The following CACNA1C variants were observed in gnomAD, a reference collection of about 807,000 sequenced individuals.
CACNA1C encodes the protein calcium voltage-gated channel subunit alpha1 C.
CACNA1C carries 30 observed loss-of-function variants against 229.0 expected under a neutral mutation model. That is an observed-to-expected ratio of 0.13 (90% CI 0.10 to 0.18). The LOEUF is 0.18. CACNA1C is among the 10% of genes least tolerant of loss of function. CACNA1C has a pLI of 1.00. For synonymous variants in CACNA1C, 1,114 were observed against 1,132.5 expected, an observed-to-expected ratio of 0.98 and a Z score of 0.33; for missense variants, 1,658 against 2,845.0, an observed-to-expected ratio of 0.58 and a Z score of 9.49.
At chr12:2,357,004 C>A (rs2097386665) in intron 3 of CACNA1C, among the ~76,000 whole-genome samples, 1 of 152,246 alleles carries the variant, frequency 6.6e-6, no homozygotes, top group South Asian at 2.1e-4. Flanking sequence ...AGCCTCTGCC[C>A]ATCCTTCCAT....
At chr12:2,584,420 T>C (rs928387005) in intron 15 of CACNA1C, 83 bp from the exon 16 acceptor site, 2 of 914,380 alleles carry the variant, frequency 2.2e-6, no homozygotes, top group Non-Finnish European at 3.6e-6. Context: ...AGCTCTACCC[T>C]GCACGCCCCA....
At position 2,115,327 on chromosome 12, in the gene CACNA1C, G is replaced by T. The variant is rs563315606; in HGVS notation, c.153G>T (p.Ser51=). The change falls in exon 2 of 47, where the codon TCG becomes TCT. Residue 51 remains serine (S), a synonymous_variant. Coordinates refer to ENST00000399655, the MANE Select transcript of CACNA1C (RefSeq NM_000719.7). ...TCCCCACCCCGGGGGCTGCCCTGTC[G>T]TGGCAGGCGGCCATCGACGCAGCCC... ...EHIPTPGAAL[S]WQAAIDAARQ... The T allele has an allele frequency of 1.9e-6, 3 of 1,585,398 alleles. No homozygotes were observed. The highest frequency in any genetic ancestry group is 1.3e-5 in the African/African-American group (1 of 74,186).
intron 9 of CACNA1C, among the ~76,000 whole-genome samples, chr12:2,525,453 C>T (rs2099816985): frequency 6.6e-6 from 1 of 152,180 alleles, no homozygotes; most frequent in East Asian, 1.9e-4. Context: ...GGAGGTTGTG[C>T]AGTGCCATGC....
intron 3 of CACNA1C, among the ~76,000 whole-genome samples, chr12:2,444,827 A>G (rs1370397744): frequency 6.6e-6 from 1 of 151,822 alleles, no homozygotes; most frequent in Admixed American, 6.6e-5. Context: ...CCTACATCTC[A>G]CCAATCCCAC....
intron 2 of CACNA1C, among the ~76,000 whole-genome samples, chr12:2,116,440 C>T (rs1405226553): frequency 2.6e-5 from 4 of 150,948 alleles, no homozygotes; most frequent in South Asian, 2.1e-4. Context: ...GGTGCCGTCT[C>T]GGCTCACTGC....
chr12:1,977,965 A>G (rs982482396), intron 1 of CACNA1C, among the ~76,000 whole-genome samples: 1 of 152,164 alleles, frequency 6.6e-6, no homozygotes. Flanking sequence ...TTGTTTTTAT[A>G]TGTTTCATTC....
chr12:2,393,253 C>T (rs1430138920), intron 3 of CACNA1C, among the ~76,000 whole-genome samples: 2 of 152,144 alleles, frequency 1.3e-5, no homozygotes, highest in African/African-American at 4.8e-5. Flanking sequence ...AAAATGCAGG[C>T]TGGGCTGAGG....
At chr12:2,241,783 A>T (rs1402393145) in intron 3 of CACNA1C, among the ~76,000 whole-genome samples, 1 of 152,218 alleles carries the variant, frequency 6.6e-6, no homozygotes, top group African/African-American at 2.4e-5. Flanking sequence ...TCTGCCATAA[A>T]GTGGAGATTT....
At chr12:2,025,878 G>A (rs1018456241) in intron 1 of CACNA1C, among the ~76,000 whole-genome samples, 1 of 152,180 alleles carries the variant, frequency 6.6e-6, no homozygotes, top group Non-Finnish European at 1.5e-5. Flanking sequence ...GGATTTGCTA[G>A]GCACAGAGCA....
intron 3 of CACNA1C, among the ~76,000 whole-genome samples, chr12:2,234,190 C>G (rs990125679): frequency 5.9e-5 from 9 of 152,208 alleles, no homozygotes; most frequent in Non-Finnish European, 1.0e-4. Flanking sequence ...GTCTCCTTTT[C>G]TTTTGGAAAA....
chr12:2,350,641 A>G (rs1165848778), intron 3 of CACNA1C, among the ~76,000 whole-genome samples: 1 of 152,204 alleles, frequency 6.6e-6, no homozygotes, highest in African/African-American at 2.4e-5. Flanking sequence ...CTGGATGATG[A>G]ATGGCTGGTC....
intron 10 of CACNA1C, chr12:2,550,774 A>G: frequency 1.2e-6 from 1 of 852,468 alleles, no homozygotes; most frequent in South Asian, 1.5e-5. Context: ...GCCCTTTCAC[A>G]ACGCTGAGCT....
At chr12:2,052,644 C>G (rs2052557554), upstream of CACNA1C, among the ~76,000 whole-genome samples, 1 of 144,776 alleles carries the variant, frequency 6.9e-6, no homozygotes, top group African/African-American at 2.5e-5. Flanking sequence ...GGCTGGCGCC[C>G]GGGTGCGCCG....
At chr12:2,460,319 G>A (rs901074897) in intron 5 of CACNA1C, among the ~76,000 whole-genome samples, 1 of 152,226 alleles carries the variant, frequency 6.6e-6, no homozygotes, top group Admixed American at 6.5e-5. Context: ...AGATAATGGG[G>A]CCAAGAAGTG....
chr12:2,019,335 G>T (rs911154985), intron 1 of CACNA1C, among the ~76,000 whole-genome samples: 1 of 151,956 alleles, frequency 6.6e-6, no homozygotes, highest in Admixed American at 6.6e-5. Context: ...GTTGTGGCAC[G>T]TGCCTGTAGT....
chr12:2,502,266 T>C (rs550960588), intron 7 of CACNA1C, among the ~76,000 whole-genome samples: 1 of 152,368 alleles, frequency 6.6e-6, no homozygotes, highest in East Asian at 1.9e-4. Context: ...ACTCATTCAC[T>C]CAAAGAGCGT....
chr12:2,243,188 C>T (rs909118732), intron 3 of CACNA1C, among the ~76,000 whole-genome samples: 2 of 152,188 alleles, frequency 1.3e-5, no homozygotes, highest in African/African-American at 2.4e-5. Flanking sequence ...CATCCATACA[C>T]CATGGTAATT....
intron 3 of CACNA1C, among the ~76,000 whole-genome samples, chr12:2,210,203 A>C (rs142050644): frequency 6.6e-6 from 1 of 152,360 alleles, no homozygotes; most frequent in Non-Finnish European, 1.5e-5. Flanking sequence ...TGCTTTTGCA[A>C]TAGAACATCT....
At chr12:2,460,290 G>A (rs1338852236) in intron 5 of CACNA1C, among the ~76,000 whole-genome samples, 5 of 152,236 alleles carry the variant, frequency 3.3e-5, no homozygotes, top group Non-Finnish European at 7.3e-5. Flanking sequence ...GCCAAAGCGA[G>A]TCACATGGCC....
Sources: gnomAD v4.1 joint callset for allele counts (sites outside exome capture counted in the v4.1 genomes callset) on GRCh38, gnomAD v4.1.1 for gene constraint, MANE v1.5 for transcripts, NCBI Gene and HGNC (gene_info 2026-07-23, HGNC 2026-07-21) for gene names.